The following EVL variants were observed in gnomAD, a reference collection of about 807,000 sequenced individuals.
EVL encodes Enah/Vasp-like, also known as ena/VASP-like protein.
In EVL, 21 loss-of-function variants were observed where a neutral mutation model predicts 59.6. That is an observed-to-expected ratio of 0.35 (90% CI 0.25 to 0.51). The LOEUF (loss-of-function observed/expected upper bound fraction) is 0.51, where lower values mean the gene tolerates loss of function less well. Ranked by LOEUF, EVL falls within the 20% of genes least tolerant of loss-of-function variation. The pLI is 0.97. For missense variants in EVL, 462 were observed against 546.6 expected (o/e 0.85, Z 1.54); for synonymous variants, 198 against 203.5 (o/e 0.97, Z 0.23).
chr14:100,059,919 C>G (rs1420498692), intron 1 of EVL, among the ~76,000 whole-genome samples: 1 of 152,108 alleles, frequency 6.6e-6, no homozygotes, highest in Non-Finnish European at 1.5e-5. Context: ...CATACAGTAT[C>G]TAACATACAA....
At chr14:100,099,613 G>C (rs1039016323) in intron 3 of EVL, among the ~76,000 whole-genome samples, 1 of 152,082 alleles carries the variant, frequency 6.6e-6, no homozygotes, top group African/African-American at 2.4e-5. Context: ...CTGAGGCATC[G>C]TAAGTGCCCA....
rs1299408213 is a variant in EVL at position 100,121,992 on chromosome 14, C to T, written c.359-1547C>T. ...AGGAGTGAACTCAGCCGTTGAGACC[C>T]GGTCTTAGAACAAGGCAGATGTCCA... On this transcript the variant is annotated intron_variant, in intron 3 of 13. Transcript: ENST00000392920. Among the ~76,000 whole-genome samples, 5 of 152,312 alleles carry T rather than the reference C, an allele frequency of 3.3e-5. 1 individual carries two copies. Among genetic ancestry groups the T allele is most frequent in the Middle Eastern group, 3.4e-3 (1 of 294 alleles).
intron 1 of EVL, among the ~76,000 whole-genome samples, chr14:99,979,633 G>C (rs1256886105): frequency 6.6e-6 from 1 of 152,050 alleles, no homozygotes; most frequent in East Asian, 1.9e-4. Context: ...ACTTTGGGAA[G>C]CTGAGGTGGG....
chr14:100,129,710 T>C (rs1393468564), intron 7 of EVL, 26 bp downstream of exon 7: 3 of 1,531,114 alleles, frequency 2.0e-6, no homozygotes, highest in Non-Finnish European at 2.6e-6. Flanking sequence ...TCCCGAGACT[T>C]GGTGTGCCTA....
chr14:100,107,532 A>T (rs1018798912), intron 3 of EVL: 6 of 382,464 alleles, frequency 1.6e-5, no homozygotes, highest in Admixed American at 9.0e-5. Flanking sequence ...ACGTTCCTCC[A>T]CTAGCATTCC....
At chr14:100,142,875 C>T (rs1261976765) in intron 13 of EVL, among the ~76,000 whole-genome samples, 1 of 152,216 alleles carries the variant, frequency 6.6e-6, no homozygotes, top group East Asian at 1.9e-4. Flanking sequence ...CAGGGCCCAC[C>T]ACAGCCTCTC....
chr14:100,119,433 C>T (rs191557000), intron 3 of EVL, among the ~76,000 whole-genome samples: 68 of 152,314 alleles, frequency 4.5e-4, no homozygotes, highest in African/African-American at 1.6e-3. Flanking sequence ...CAAGTCCCCT[C>T]ACCCCTGAGA....
intron 9 of EVL, 144 bp downstream of exon 9, chr14:100,136,112 GTCCCCCAGAGCC>G: frequency 2.6e-6 from 2 of 782,684 alleles, no homozygotes; most frequent in East Asian, 5.1e-5. Flanking sequence ...TTTCTTATGG[GTCCCCCAGAGCC>G]TCCCCCAGGA....
intron 4 of EVL, among the ~76,000 whole-genome samples, chr14:100,125,110 C>T (rs1887955868): frequency 7.0e-6 from 1 of 143,380 alleles, no homozygotes; most frequent in African/African-American, 2.7e-5. Flanking sequence ...ACACACCTGC[C>T]CCAAGGCGGG....
intron 1 of EVL, among the ~76,000 whole-genome samples, chr14:99,983,021 AG>A (rs1231742660): frequency 7.2e-5 from 11 of 152,184 alleles, no homozygotes; most frequent in African/African-American, 2.7e-4. Flanking sequence ...TATTCAGTAA[AG>A]GTTAGTTATC....
At chr14:100,111,513 T>C (rs1456912419) in intron 3 of EVL, among the ~76,000 whole-genome samples, 1 of 152,100 alleles carries the variant, frequency 6.6e-6, no homozygotes, top group Admixed American at 6.5e-5. Flanking sequence ...GTCATGAGGC[T>C]CAAATGATAA....
rs1885907271 is a variant in EVL at position 100,097,603 on chromosome 14, C to G, written c.303C>G (p.Thr101=). The G allele has an allele frequency of 1.2e-6, 2 of 1,614,134 alleles. No individual in the cohort carries two copies. Among genetic ancestry groups the G allele is most frequent in the South Asian group, 1.1e-5 (1 of 91,072 alleles). The change falls in exon 3 of 14, where the codon ACC becomes ACG. Residue 101 remains threonine (T), a synonymous_variant. Coordinates refer to ENST00000392920, the MANE Select transcript of EVL (RefSeq NM_016337.3). Reference sequence around the variant, plus strand: ...ACTTTGCAAGTAAAGAAGAGGCAACCACGTTCTCCAATGCAATGCTGTTTG... The same window carrying G: ...ACTTTGCAAGTAAAGAAGAGGCAACGACGTTCTCCAATGCAATGCTGTTTG... ...GLNFASKEEA[T]TFSNAMLFAL... is the part of the protein sequence containing the mutation.
At chr14:100,010,440 T>C (rs2061009485) in intron 1 of EVL, among the ~76,000 whole-genome samples, 1 of 152,198 alleles carries the variant, frequency 6.6e-6, no homozygotes, top group African/African-American at 2.4e-5. Context: ...AGTTTTGCTC[T>C]TGTTGCCCAG....
chr14:100,065,036 T>G (rs1212235331), upstream of EVL, among the ~76,000 whole-genome samples: 4 of 152,262 alleles, frequency 2.6e-5, no homozygotes, highest in African/African-American at 9.6e-5. Flanking sequence ...GGAAGTCATC[T>G]GTGCTGAGCC....
At chr14:99,981,169 C>T (rs190208877) in intron 1 of EVL, among the ~76,000 whole-genome samples, 3 of 152,062 alleles carry the variant, frequency 2.0e-5, no homozygotes, top group African/African-American at 7.3e-5. Context: ...TGACTCACAC[C>T]TGTAATCCCA....
At chr14:100,133,056 G>A (rs981574902) in intron 8 of EVL, among the ~76,000 whole-genome samples, 2 of 152,238 alleles carry the variant, frequency 1.3e-5, no homozygotes, top group South Asian at 2.1e-4. Flanking sequence ...GGGCTACCTC[G>A]CCTTCCCAGG....
chr14:100,043,520 G>A (rs1297418658), intron 1 of EVL, among the ~76,000 whole-genome samples: 1 of 151,918 alleles, frequency 6.6e-6, no homozygotes, highest in Non-Finnish European at 1.5e-5. Flanking sequence ...CCCAAAGGCT[G>A]GAGAGCCTGG....
intron 1 of EVL, among the ~76,000 whole-genome samples, chr14:100,034,179 G>T (rs1016461792): frequency 1.3e-5 from 2 of 149,316 alleles, no homozygotes; most frequent in Non-Finnish European, 3.0e-5. Flanking sequence ...AGGTTGCAAT[G>T]AGCTGAAATC....
At chr14:100,026,858 G>C (rs1037725603) in intron 1 of EVL, among the ~76,000 whole-genome samples, 4 of 152,184 alleles carry the variant, frequency 2.6e-5, no homozygotes, top group African/African-American at 9.6e-5. Flanking sequence ...AACTGTGGGA[G>C]CTATGATCCC....
Sources: allele counts gnomAD v4.1 joint callset (sites outside exome capture counted in the v4.1 genomes callset), GRCh38; gene constraint gnomAD v4.1.1; transcripts MANE v1.5; gene names NCBI Gene and HGNC (gene_info 2026-07-23, HGNC 2026-07-21).